Variants in TBC1D22B observed in about 807,000 individuals in gnomAD.
The protein encoded by TBC1D22B is TBC1 domain family member 22B.
In TBC1D22B, 32 loss-of-function variants were observed where a neutral mutation model predicts 69.1. The ratio of observed to expected loss-of-function variants is 0.46; its 90% CI spans 0.35 to 0.62. The LOEUF is 0.62. Ranked by LOEUF, TBC1D22B falls within the 20% of genes least tolerant of loss-of-function variation. TBC1D22B has a pLI of 0.00. For synonymous variants in TBC1D22B, 206 were observed against 229.8 expected (o/e 0.90, Z 0.94); for missense variants, 462 against 630.9 (o/e 0.73, Z 2.87).
Position 37,331,046 on chromosome 6 carries a change from T to G in TBC1D22B, c.1392T>G (p.Gly464=). 6.2e-7 allele frequency: 1 copy of G among 1,613,904 alleles called. No homozygotes were observed. Among genetic ancestry groups the G allele is most frequent in the Non-Finnish European group, 8.5e-7 (1 of 1,179,942 alleles). ...KEILDEEDFQ[G]LLMLLQNLPT... is the part of the protein sequence containing the mutation. ...AAAAGTCCTTTCTTGCATTCCAGGG[T>G]CTCCTCATGCTGCTACAGAACCTAC... is the stretch of plus-strand genomic sequence containing the variant. Residue 464 remains glycine (G), a splice_region_variant and synonymous_variant, in exon 13 of 13, where the codon GGT becomes GGG. Coordinates refer to ENST00000373491, the MANE Select transcript of TBC1D22B (RefSeq NM_017772.4).
In TBC1D22B at chr6:37,269,643, A is replaced by G; in HGVS notation, c.106A>G (p.Thr36Ala). Reference protein sequence around the residue: ...AQHPPLDPRLTKNFIKERSKV... With the variant: ...AQHPPLDPRLAKNFIKERSKV... Reference sequence around the variant, plus strand: ...GCATCCTCCTCTTGACCCACGGCTCACCAAAAAGTAAGTCAAGACATTTTC... The same window carrying G: ...GCATCCTCCTCTTGACCCACGGCTCGCCAAAAAGTAAGTCAAGACATTTTC... Residue 36 changes from threonine to alanine, a missense_variant, in exon 2 of 13, where the codon ACC becomes GCC. By Grantham distance (58) the Thr-to-Ala change is moderately conservative. Around this residue, in one of 2 missense-constraint regions of TBC1D22B, gnomAD observed 237 missense variants for 255.4 expected, o/e 0.93. Transcript: ENST00000373491. The G allele has an allele frequency of 1.2e-6, 2 of 1,614,146 alleles. No individual in the cohort carries two copies. Among genetic ancestry groups the G allele is most frequent in the Non-Finnish European group, 1.7e-6 (2 of 1,180,012 alleles).
chr6:37,304,230 C>G (rs1314959225), intron 8 of TBC1D22B, among the ~76,000 whole-genome samples: 1 of 152,252 alleles, frequency 6.6e-6, no homozygotes, highest in East Asian at 1.9e-4. Flanking sequence ...GTGCAGGGCA[C>G]TGCTCTAGGC....
chr6:37,324,941 A>G (rs1768350730), intron 12 of TBC1D22B, among the ~76,000 whole-genome samples: 1 of 152,248 alleles, frequency 6.6e-6, no homozygotes, highest in Admixed American at 6.5e-5. Context: ...ACAAACTAGT[A>G]CAAAGTACAT....
At chr6:37,321,863 TTC>T (rs1310170258) in intron 12 of TBC1D22B, among the ~76,000 whole-genome samples, 3 of 152,226 alleles carry the variant, frequency 2.0e-5, no homozygotes, top group African/African-American at 4.8e-5. Flanking sequence ...ACAAGAAGTG[TTC>T]TCTGTTTTCA....
At position 37,272,050 on chromosome 6, in the gene TBC1D22B, G is replaced by T. The variant is rs147132631; in HGVS notation, c.113+2400G>T. 1.3e-4 allele frequency among the ~76,000 whole-genome samples: 20 copies of T among 151,984 alleles called. No homozygotes were observed. In the East Asian group the frequency reaches 3.9e-3, roughly 29 times the overall value. On this transcript the variant is annotated intron_variant, in intron 2 of 12. Transcript: ENST00000373491. ...AGCAGGCTTTTCTTTAATGTTCCTT[G>T]GTTTGCCCCTTTTGTTAGGTCTTCT... is the stretch of plus-strand genomic sequence containing the variant.
chr6:37,294,410 G>C (rs1175307709), intron 8 of TBC1D22B, among the ~76,000 whole-genome samples: 1 of 151,998 alleles, frequency 6.6e-6, no homozygotes, highest in African/African-American at 2.4e-5. Context: ...TGGTTCAAGT[G>C]GTCCTCCCAT....
Position 37,312,903 on chromosome 6 carries a change from C to A in TBC1D22B, c.983-15C>A. ...AGATAAGACCTCTGGACTTTCTTCACCTTTTGTTTTACAGAAGAGGATGTG... is the reference window on the plus strand; with the variant it reads ...AGATAAGACCTCTGGACTTTCTTCAACTTTTGTTTTACAGAAGAGGATGTG... On this transcript the variant is annotated splice_polypyrimidine_tract_variant and intron_variant, in intron 8 of 12. Transcript: ENST00000373491. The A allele has an allele frequency of 6.2e-7, 1 of 1,602,910 alleles. No homozygotes were observed. The highest frequency in any genetic ancestry group is 2.2e-5 in the East Asian group (1 of 44,816).
At chr6:37,287,902 A>G (rs1767058026) in intron 7 of TBC1D22B, among the ~76,000 whole-genome samples, 1 of 152,196 alleles carries the variant, frequency 6.6e-6, no homozygotes, top group African/African-American at 2.4e-5. Flanking sequence ...AAGTGGGAGT[A>G]GTAGTTATAT....
intron 12 of TBC1D22B, among the ~76,000 whole-genome samples, chr6:37,329,656 A>C (rs1196288652): frequency 2.0e-5 from 3 of 152,256 alleles, no homozygotes; most frequent in African/African-American, 7.2e-5. Context: ...CCTTCAACTA[A>C]CAGTCTAAGT....
intron 8 of TBC1D22B, among the ~76,000 whole-genome samples, chr6:37,301,154 A>G (rs186802585): frequency 3.3e-5 from 5 of 152,320 alleles, no homozygotes; most frequent in Admixed American, 2.0e-4. Context: ...CAAATGTAGG[A>G]GTGGGGAACC....
At chr6:37,273,428 T>C (rs1766564003) in intron 2 of TBC1D22B, among the ~76,000 whole-genome samples, 1 of 152,190 alleles carries the variant, frequency 6.6e-6, no homozygotes, top group Admixed American at 6.5e-5. Context: ...CCATTTTATG[T>C]TTTGATCAAG....
chr6:37,276,886 T>A (rs903406048), intron 2 of TBC1D22B, among the ~76,000 whole-genome samples: 2 of 151,778 alleles, frequency 1.3e-5, no homozygotes, highest in African/African-American at 4.9e-5. Context: ...GCAAGGCTCC[T>A]TTTCAAAACA....
chr6:37,269,553 T>C (rs1419762606), intron 1 of TBC1D22B, 41 bp from the exon 2 acceptor site: 2 of 1,601,496 alleles, frequency 1.2e-6, no homozygotes, highest in Non-Finnish European at 1.7e-6. Context: ...TTTAGTTTCC[T>C]AACTAAACTA....
intron 6 of TBC1D22B, among the ~76,000 whole-genome samples, chr6:37,286,662 G>C (rs775958031): frequency 1.9e-4 from 29 of 152,036 alleles, no homozygotes; most frequent in Admixed American, 1.2e-3. Flanking sequence ...GAACAAACTG[G>C]GCCAGGCACG....
At chr6:37,261,928 TAAAA>T (rs913632003) in intron 1 of TBC1D22B, among the ~76,000 whole-genome samples, 1 of 133,418 alleles carries the variant, frequency 7.5e-6, no homozygotes, top group Non-Finnish European at 1.6e-5. Flanking sequence ...GGGGGAAAAA[TAAAA>T]AAGCTTTGGT....
intron 7 of TBC1D22B, among the ~76,000 whole-genome samples, chr6:37,290,398 G>A (rs895271326): frequency 3.3e-5 from 5 of 152,188 alleles, no homozygotes; most frequent in South Asian, 2.1e-4. Context: ...ACCAGGCAAT[G>A]GGTATTATCA....
chr6:37,297,499 A>G (rs1389170499), intron 8 of TBC1D22B, among the ~76,000 whole-genome samples: 1 of 152,216 alleles, frequency 6.6e-6, no homozygotes, highest in Non-Finnish European at 1.5e-5. Flanking sequence ...TCCAAGATTC[A>G]GGGGTCTAAT....
chr6:37,267,223 C>A (rs918690166), intron 1 of TBC1D22B, among the ~76,000 whole-genome samples: 1 of 150,350 alleles, frequency 6.7e-6, no homozygotes, highest in Non-Finnish European at 1.5e-5. Context: ...ATGTGAGCTA[C>A]CATGCTTGCC....
chr6:37,282,454 T>C, intron 4 of TBC1D22B, 90 bp downstream of exon 4: 1 of 1,407,654 alleles, frequency 7.1e-7, no homozygotes, highest in Non-Finnish European at 9.5e-7. Flanking sequence ...TTCTTCCTTC[T>C]TTTACTTTTC....
Sources: gnomAD v4.1 joint callset for allele counts (sites outside exome capture counted in the v4.1 genomes callset) on GRCh38, gnomAD v4.1.1 for gene constraint, gnomAD v4.1.1 regional missense constraint, MANE v1.5 for transcripts, NCBI Gene and HGNC (gene_info 2026-07-23, HGNC 2026-07-21) for gene names.